The following TNRC6B variants were observed in gnomAD, a reference collection of about 807,000 sequenced individuals.
The protein encoded by TNRC6B is trinucleotide repeat-containing gene 6B protein.
A neutral mutation model predicts 203.6 loss-of-function variants in TNRC6B; 52 were observed. The observed-to-expected ratio is 0.26, with a 90% confidence interval of 0.20 to 0.32. The LOEUF is 0.32. TNRC6B is among the 10% of genes least tolerant of loss of function. The probability of loss-of-function intolerance (pLI) is 1.00; values close to 1 mark genes in which losing one functional copy is unlikely to be tolerated. For synonymous variants in TNRC6B, 838 were observed against 845.7 expected, an observed-to-expected ratio of 0.99 and a Z score of 0.16; for missense variants, 1,923 against 2,286.2, an observed-to-expected ratio of 0.84 and a Z score of 3.24.
Position 40,323,272 on chromosome 22 carries a change from C to A in TNRC6B, c.*31C>A, listed in dbSNP as rs774200912. On this transcript the variant is annotated 3_prime_UTR_variant, in exon 23 of 23. Coordinates refer to ENST00000454349, the MANE Select transcript of TNRC6B (RefSeq NM_001162501.2). Reference sequence around the variant, plus strand: ...GAACTTTCAACTCTGACCTCGTGACCTTTTTTGGAACAGCAGCAGCACTAA... The same window carrying A: ...GAACTTTCAACTCTGACCTCGTGACATTTTTTGGAACAGCAGCAGCACTAA... 1.3e-6 allele frequency: 2 copies of A among 1,584,104 alleles called. No homozygotes were observed. The highest frequency in any genetic ancestry group is 1.1e-5 in the South Asian group (1 of 87,808).
At chr22:40,311,969 A>G (rs2071190146) in intron 17 of TNRC6B, among the ~76,000 whole-genome samples, 1 of 152,260 alleles carries the variant, frequency 6.6e-6, no homozygotes. Flanking sequence ...AAATTGACCA[A>G]TAAAAAAATT....
chr22:40,224,273 G>A (rs1012422616), intron 1 of TNRC6B, among the ~76,000 whole-genome samples: 1 of 152,116 alleles, frequency 6.6e-6, no homozygotes, highest in Non-Finnish European at 1.5e-5. Context: ...CCAAAGTGTT[G>A]GGATTATAGG....
chr22:40,072,459 A>AT (rs1691040232), intron 1 of TNRC6B, among the ~76,000 whole-genome samples: 1 of 152,196 alleles, frequency 6.6e-6, no homozygotes, highest in Admixed American at 6.6e-5. Flanking sequence ...ATCACGATGC[A>AT]TTTAAACATG....
chr22:40,282,627 T>C (rs938650916), intron 11 of TNRC6B, among the ~76,000 whole-genome samples: 4 of 152,218 alleles, frequency 2.6e-5, no homozygotes, highest in Non-Finnish European at 2.9e-5. Flanking sequence ...CCAGCCAAAC[T>C]AGCCGAGCAT....
Position 40,312,986 on chromosome 22 carries a change from A to G in TNRC6B, c.4667A>G (p.His1556Arg). Residue 1556 changes from histidine to arginine, a missense_variant, in exon 19 of 23, where the codon CAT becomes CGT. By Grantham distance (29) the His-to-Arg change is conservative (BLOSUM62 0). Coordinates refer to ENST00000454349, the MANE Select transcript of TNRC6B (RefSeq NM_001162501.2). ...TCTGACAACTCCTTTACCAACGTTC[A>G]TAGCACTTCAGGTATGAGTGTGAAT... ...SASDNSFTNV[H>R]STSAKFPDYK... 1 of 1,613,504 alleles carries G rather than the reference A, an allele frequency of 6.2e-7. No individual in the cohort carries two copies. The highest frequency in any genetic ancestry group is 8.5e-7 in the Non-Finnish European group (1 of 1,179,608).
chr22:40,070,484 A>G (rs2067937688), intron 1 of TNRC6B, among the ~76,000 whole-genome samples: 1 of 152,210 alleles, frequency 6.6e-6, no homozygotes, highest in African/African-American at 2.4e-5. Context: ...TTCTGATACC[A>G]TCTGCTAAAG....
At chr22:40,242,109 A>C (rs1182431365) in intron 1 of TNRC6B, among the ~76,000 whole-genome samples, 5 of 152,056 alleles carry the variant, frequency 3.3e-5, no homozygotes, top group Non-Finnish European at 7.4e-5. Flanking sequence ...ACTGGGTGCT[A>C]AGTGTGTTCA....
intron 1 of TNRC6B, among the ~76,000 whole-genome samples, chr22:40,058,237 C>G (rs952570846): frequency 2.6e-5 from 4 of 151,950 alleles, no homozygotes; most frequent in Non-Finnish European, 4.4e-5. Flanking sequence ...CACCAAAAAA[C>G]AAAAACAAAA....
intron 3 of TNRC6B, among the ~76,000 whole-genome samples, chr22:40,150,303 G>A (rs911796602): frequency 4.6e-5 from 7 of 152,144 alleles, no homozygotes; most frequent in Middle Eastern, 3.2e-3. Context: ...GCGTGAACCC[G>A]GAAGGCAGAG....
intron 1 of TNRC6B, among the ~76,000 whole-genome samples, chr22:40,105,277 A>G (rs918325399): frequency 1.3e-5 from 2 of 152,216 alleles, no homozygotes; most frequent in Non-Finnish European, 2.9e-5. Context: ...TTTTGATTTA[A>G]ATCTTTTTAA....
At chr22:40,124,176 G>A (rs1425928578) in intron 2 of TNRC6B, among the ~76,000 whole-genome samples, 2 of 152,228 alleles carry the variant, frequency 1.3e-5, no homozygotes, top group African/African-American at 4.8e-5. Flanking sequence ...CAGTAGATGA[G>A]GCAACAGCTT....
At chr22:40,321,379 T>A (rs529223531) in intron 22 of TNRC6B, 150 bp downstream of exon 22, 11 of 940,660 alleles carry the variant, frequency 1.2e-5, no homozygotes, top group South Asian at 9.9e-5. Context: ...GTGTGGAGAG[T>A]GTGGAGGTGC....
At chr22:40,278,555 T>C (rs1388450788) in intron 9 of TNRC6B, among the ~76,000 whole-genome samples, 22 of 115,266 alleles carry the variant, frequency 1.9e-4, no homozygotes, top group Admixed American at 1.5e-3. Context: ...AGACTCAGTC[T>C]CAAAAAAAAA....
intron 1 of TNRC6B, among the ~76,000 whole-genome samples, chr22:40,054,017 G>A (rs999984636): frequency 1.3e-5 from 2 of 152,184 alleles, no homozygotes; most frequent in Non-Finnish European, 2.9e-5. Context: ...AGGAGGTCAA[G>A]ACCAGCCTGG....
rs2070536102 is a variant in TNRC6B at position 40,269,952 on chromosome 22, CG to C, written c.2807-168del. 2.6e-5 allele frequency among the ~76,000 whole-genome samples: 4 copies of C among 151,184 alleles called. No homozygotes were observed. The South Asian group carries it at 8.4e-4, about 32-fold the overall frequency. On this transcript the variant is annotated intron_variant, in intron 5 of 22. Transcript: ENST00000454349. The stretch of plus-strand genomic sequence containing the variant: ...ACTGGGTGAAAAGTTTAATGTGCAT[CG>C]GATTTTTTAAAAAGTAGCATTGCCA...
At chr22:40,312,833 C>T (rs2071204530) in intron 18 of TNRC6B, 69 bp from the exon 19 acceptor site, 3 of 1,505,908 alleles carry the variant, frequency 2.0e-6, no homozygotes, top group Non-Finnish European at 2.8e-6. Flanking sequence ...AAACAAAATA[C>T]TCTCAAGGTT....
intron 3 of TNRC6B, among the ~76,000 whole-genome samples, chr22:40,144,137 G>GC (rs754464125): frequency 2.8e-4 from 42 of 152,326 alleles, no homozygotes; most frequent in Non-Finnish European, 4.3e-4. Context: ...AAATGGTACA[G>GC]CCACTTAAAG....
chr22:40,071,356 AAG>A (rs1457679340), intron 1 of TNRC6B, among the ~76,000 whole-genome samples: 2 of 152,138 alleles, frequency 1.3e-5, no homozygotes, highest in East Asian at 3.8e-4. Context: ...TGCTAAGTAA[AAG>A]AGATTTAAAA....
intron 1 of TNRC6B, among the ~76,000 whole-genome samples, chr22:40,079,860 A>G (rs780878235): frequency 1.4e-4 from 21 of 152,076 alleles, no homozygotes; most frequent in Non-Finnish European, 2.9e-4. Flanking sequence ...CAGTGGCACA[A>G]TCTCGGCTCA....
Sources: allele counts gnomAD v4.1 joint callset (sites outside exome capture counted in the v4.1 genomes callset), GRCh38; gene constraint gnomAD v4.1.1; transcripts MANE v1.5; gene names NCBI Gene and HGNC (gene_info 2026-07-23, HGNC 2026-07-21).